The following PRDM16 variants were observed in gnomAD, a reference collection of about 807,000 sequenced individuals.
The protein encoded by PRDM16 is histone-lysine N-methyltransferase PRDM16.
A neutral mutation model predicts 110.6 loss-of-function variants in PRDM16; 23 were observed. That is an observed-to-expected ratio of 0.21 (90% CI 0.15 to 0.29). The LOEUF (loss-of-function observed/expected upper bound fraction) is 0.29. Among genes scored for constraint, PRDM16 ranks in the 10% least tolerant of loss-of-function variants. The pLI is 1.00. For missense variants in PRDM16, 1,615 were observed against 1,794.3 expected, an observed-to-expected ratio of 0.90 and a Z score of 1.81; for synonymous variants, 799 against 781.8, an observed-to-expected ratio of 1.02 and a Z score of -0.37.
rs1249066276 is a variant in PRDM16, at chr1:3,243,900, G to A, written c.388-187G>A. ...GGCGCTTGGAGTCCTCGGTGACTGG[G>A]GGAGCCTCTGCTGGAAGAAGGGATA... On this transcript the variant is annotated intron_variant, in intron 2 of 16. Transcript: ENST00000270722. The surrounding 1 kb of genome is among the most constrained non-coding windows in gnomAD (Gnocchi z 5.5). Among the ~76,000 whole-genome samples, 2 of 152,122 alleles carry A rather than the reference G, an allele frequency of 1.3e-5. No individual in the cohort carries two copies. The highest frequency in any genetic ancestry group is 4.8e-5 in the African/African-American group (2 of 41,412).
At chr1:3,110,572 G>A (rs2100638197) in intron 1 of PRDM16, among the ~76,000 whole-genome samples, 1 of 152,360 alleles carries the variant, frequency 6.6e-6, no homozygotes, top group Admixed American at 6.5e-5. Context: ...CACAGTGTCT[G>A]TGGCTCCCCC....
intron 3 of PRDM16, among the ~76,000 whole-genome samples, chr1:3,360,436 C>T (rs572664630): frequency 4.6e-5 from 7 of 152,264 alleles, no homozygotes; most frequent in East Asian, 1.9e-4. Flanking sequence ...CCTCTGTCAC[C>T]GGCTGACACC....
chr1:3,120,562 C>G (rs1236622518), intron 1 of PRDM16, among the ~76,000 whole-genome samples: 1 of 152,210 alleles, frequency 6.6e-6, no homozygotes, highest in African/African-American at 2.4e-5. Flanking sequence ...AAGAGAAACC[C>G]AGGCAGCCAG....
In PRDM16 at chr1:3,340,887, T is replaced by C. The variant is rs539592432; in HGVS notation, c.439-44265T>C. On this transcript the variant is annotated intron_variant, in intron 3 of 16. Coordinates refer to ENST00000270722, the MANE Select transcript of PRDM16 (RefSeq NM_022114.4). ...CTGGAGGACAGAGGTGAAGCTGGCA[T>C]TGGGGGCCGTGCTGCAGCAGGACAG... Among the ~76,000 whole-genome samples the C allele has an allele frequency of 2.5e-3, 383 of 152,280 alleles. 1 individual carries two copies. Among genetic ancestry groups the C allele is most frequent in the Non-Finnish European group, 4.1e-3 (276 of 68,020 alleles).
intron 3 of PRDM16, among the ~76,000 whole-genome samples, chr1:3,327,102 A>T (rs1641930064): frequency 6.6e-6 from 1 of 152,160 alleles, no homozygotes; most frequent in Non-Finnish European, 1.5e-5. Flanking sequence ...GCTCTTCAAA[A>T]CTAACATTGG....
At position 3,425,462 on chromosome 1, in the gene PRDM16, G is replaced by A; in HGVS notation, c.2940-119G>A. ...TCCAGCAACCTCCGGGACACGGCGG[G>A]GCAAAGCTGTGCACGGGGCACGGGG... On this transcript the variant is annotated intron_variant, in intron 12 of 16. Transcript: ENST00000270722. This position sits in a 1 kb window ranked among gnomAD's most constrained non-coding sequence, Gnocchi z 6.9. 1.8e-6 allele frequency: 2 copies of A among 1,114,074 alleles called. No individual in the cohort carries two copies. Among genetic ancestry groups the A allele is most frequent in the South Asian group, 3.1e-5 (2 of 65,310 alleles). 69.0% of individuals were successfully genotyped at this position (1,114,074 alleles called of 1,614,324 possible). A position where few individuals can be genotyped will look rare whatever the true frequency, so the allele number is the denominator to read the frequency against.
At chr1:3,384,186 C>G (rs1445031260) in intron 3 of PRDM16, among the ~76,000 whole-genome samples, 1 of 152,182 alleles carries the variant, frequency 6.6e-6, no homozygotes. Flanking sequence ...CACACCTGCC[C>G]AAGGGCACTC....
At chr1:3,299,378 A>T (rs1191198971) in intron 3 of PRDM16, among the ~76,000 whole-genome samples, 1 of 90,302 alleles carries the variant, frequency 1.1e-5, no homozygotes. Context: ...TTCAGATCCC[A>T]GTTGTGGTGA....
At chr1:3,361,613 G>A (rs1290011664) in intron 3 of PRDM16, among the ~76,000 whole-genome samples, 3 of 152,224 alleles carry the variant, frequency 2.0e-5, no homozygotes, top group African/African-American at 7.2e-5. Flanking sequence ...TCCTCGGATC[G>A]GGAGCAGATG....
In PRDM16 at chr1:3,390,041, A is replaced by G. The variant is rs1398751755; in HGVS notation, c.573+4755A>G. On this transcript the variant is annotated intron_variant, in intron 4 of 16. Coordinates refer to ENST00000270722, the MANE Select transcript of PRDM16 (RefSeq NM_022114.4). This position sits in a 1 kb window ranked among gnomAD's most constrained non-coding sequence, Gnocchi z 5.0. ...CCCCTGGGTGGTTCTTTCTCCTGTA[A>G]TTATGAACAAATGAGCTGGTTTGAA... Among the ~76,000 whole-genome samples the G allele has an allele frequency of 2.1e-5, 3 of 140,620 alleles. No homozygotes were observed. The highest frequency in any genetic ancestry group is 4.5e-5 in the Non-Finnish European group (3 of 66,696). The allele number at this position is 140,620 out of a possible 152,430, so 92.3% of individuals were successfully genotyped here. A position where few individuals can be genotyped will look rare whatever the true frequency, so the allele number is the denominator to read the frequency against.
chr1:3,404,485 G>T (rs1643526272), intron 6 of PRDM16, among the ~76,000 whole-genome samples: 1 of 152,248 alleles, frequency 6.6e-6, no homozygotes, highest in East Asian at 1.9e-4. Flanking sequence ...GCCGCCCTGG[G>T]GGTGGTCTTG....
At chr1:3,138,385 T>A (rs538503621) in intron 1 of PRDM16, among the ~76,000 whole-genome samples, 1 of 152,364 alleles carries the variant, frequency 6.6e-6, no homozygotes, top group East Asian at 1.9e-4. Context: ...GGGAGGCATC[T>A]GGGCTGTCCC....
intron 2 of PRDM16, among the ~76,000 whole-genome samples, chr1:3,235,166 G>A (rs1291237234): frequency 6.6e-6 from 1 of 152,228 alleles, no homozygotes; most frequent in African/African-American, 2.4e-5. Flanking sequence ...CCGCCCAGCC[G>A]CTCCAGGCCT....
In PRDM16 at chr1:3,248,601, A is replaced by G. The variant is rs537497640; in HGVS notation, c.438+4464A>G. ...AGAGGCTTAGAGGAGGGTCAAAAAT[A>G]AATCGAGCTAATAAAGTCATTCCGC... On this transcript the variant is annotated intron_variant, in intron 3 of 16. Coordinates refer to ENST00000270722, the MANE Select transcript of PRDM16 (RefSeq NM_022114.4). 5.9e-5 allele frequency among the ~76,000 whole-genome samples: 9 copies of G among 152,340 alleles called. No homozygotes were observed. In the East Asian group the frequency reaches 1.7e-3, roughly 29 times the overall value.
intron 12 of PRDM16, among the ~76,000 whole-genome samples, chr1:3,419,852 A>G (rs1638380682): frequency 1.3e-5 from 2 of 151,880 alleles, no homozygotes; most frequent in African/African-American, 4.8e-5. Context: ...CCCAACTCGC[A>G]GGGTAAATGA....
At chr1:3,325,861 G>C (rs1242489173) in intron 3 of PRDM16, among the ~76,000 whole-genome samples, 1 of 147,334 alleles carries the variant, frequency 6.8e-6, no homozygotes, top group Admixed American at 6.7e-5. Context: ...TTCCTTAGCG[G>C]TTCTCAGTGA....
rs552930047 is a variant in PRDM16 at position 3,184,875 on chromosome 1, G to A, written c.38-1250G>A. Among the ~76,000 whole-genome samples the A allele has an allele frequency of 1.1e-3, 172 of 152,184 alleles. 1 individual carries two copies. The highest frequency in any genetic ancestry group is 1.9e-3 in the Non-Finnish European group (127 of 67,980). Reference sequence around the variant, plus strand: ...GCTGGTCCAGGCTGCGCGTGCCAGGGCCGCCCTCCTCCTTGGGGAGGGGTG... The same window carrying A: ...GCTGGTCCAGGCTGCGCGTGCCAGGACCGCCCTCCTCCTTGGGGAGGGGTG... On this transcript the variant is annotated intron_variant, in intron 1 of 16. Transcript: ENST00000270722.
At chr1:3,120,459 C>T (rs1283970785) in intron 1 of PRDM16, among the ~76,000 whole-genome samples, 3 of 152,168 alleles carry the variant, frequency 2.0e-5, no homozygotes, top group African/African-American at 7.2e-5. Flanking sequence ...ACTCGGGGGT[C>T]GTCACACACA....
At chr1:3,288,523 G>A (rs1405684289) in intron 3 of PRDM16, among the ~76,000 whole-genome samples, 1 of 152,146 alleles carries the variant, frequency 6.6e-6, no homozygotes, top group Non-Finnish European at 1.5e-5. Context: ...CCTGTGGCCA[G>A]GAGTGGTGGC....
Sources: allele counts gnomAD v4.1 joint callset (sites outside exome capture counted in the v4.1 genomes callset), GRCh38; gene constraint gnomAD v4.1.1; non-coding constraint Gnocchi (gnomAD v3.1); transcripts MANE v1.5; gene names NCBI Gene and HGNC (gene_info 2026-07-23, HGNC 2026-07-21).